The following MUC5B variants were observed in gnomAD, a reference collection of about 807,000 sequenced individuals.
MUC5B encodes mucin 5B, oligomeric mucus/gel-forming.
A neutral mutation model predicts 376.9 loss-of-function variants in MUC5B; 116 were observed. The ratio of observed to expected loss-of-function variants is 0.31; its 90% confidence interval spans 0.26 to 0.36. The LOEUF (loss-of-function observed/expected upper bound fraction) is 0.36, where lower values mean the gene tolerates loss of function less well. MUC5B is among the 10% of genes least tolerant of loss of function. The pLI, the probability that MUC5B is intolerant of heterozygous loss-of-function variation, is 1.00. For synonymous variants in MUC5B, 3,517 were observed against 3,390.9 expected, an observed-to-expected ratio of 1.04 and a Z score of -1.29; for missense variants, 7,165 against 7,769.9, an observed-to-expected ratio of 0.92 and a Z score of 2.93.
Position 1,249,971 on chromosome 11 carries a change from C to G in MUC5B, c.13091C>G (p.Thr4364Arg). The change falls in exon 31 of 49, where the codon ACA (threonine) becomes AGA (arginine). Residue 4364 changes from threonine (T) to arginine (R), a missense_variant. Coordinates refer to ENST00000529681, the MANE Select transcript of MUC5B (RefSeq NM_002458.3). Reference protein sequence around the residue: ...SSTPETTHTSTVLTTKATTTR... With the variant: ...SSTPETTHTSRVLTTKATTTR... ...ACTCCGGAGACCACCCACACCTCCA[C>G]AGTGCTGACCACGAAGGCCACCACG... 1 of 1,611,426 alleles carries G rather than the reference C, an allele frequency of 6.2e-7. No individual in the cohort carries two copies. Among genetic ancestry groups the G allele is most frequent in the South Asian group, 1.1e-5 (1 of 90,954 alleles).
In MUC5B at chr11:1,227,034, G is replaced by A. The variant is rs748623491; in HGVS notation, c.465G>A (p.Glu155=). The part of the protein sequence containing the change: ...NGSVLINGQR[E]ELPYSRTGLL... ...AGAGACCCCGCTGTCTGCGCAGGGAGGAGCTGCCTTACAGCCGCACTGGCC... is the reference window on the plus strand; with the variant it reads ...AGAGACCCCGCTGTCTGCGCAGGGAAGAGCTGCCTTACAGCCGCACTGGCC... The change falls in exon 5 of 49, where the codon GAG becomes GAA. Residue 155 remains glutamate, a synonymous_variant. Transcript: ENST00000529681. The A allele has an allele frequency of 1.2e-6, 2 of 1,609,136 alleles. No individual in the cohort carries two copies. The highest frequency in any genetic ancestry group is 1.1e-5 in the South Asian group (1 of 90,772).
At chr11:1,233,342 G>A in intron 18 of MUC5B, 74 bp downstream of exon 18, 1 of 1,428,178 alleles carries the variant, frequency 7.0e-7, no homozygotes, top group East Asian at 2.5e-5. Context: ...GAAGGCTTCT[G>A]TGCCTCCCCC....
chr11:1,242,273 T>C lies in MUC5B; in HGVS notation c.5393T>C (p.Phe1798Ser), dbSNP rs1455901056. ...CEWTEWFDVDFPTSGVAGGDM... is the reference protein window; with the variant it reads ...CEWTEWFDVDSPTSGVAGGDM... ...TGGACAGAGTGGTTTGACGTGGACT[T>C]CCCAACCTCAGGGGTTGCAGGCGGG... The change falls in exon 31 of 49, where the codon TTC (phenylalanine) becomes TCC (serine). Residue 1798 changes from phenylalanine to serine, a missense_variant. Transcript: ENST00000529681. 1 of 1,613,870 alleles carries C rather than the reference T, an allele frequency of 6.2e-7. No homozygotes were observed. The highest frequency in any genetic ancestry group is 8.5e-7 in the Non-Finnish European group (1 of 1,179,870).
rs200229846 is a variant in MUC5B, at chr11:1,245,580, C to T, written c.8700C>T (p.Asn2900=). The change falls in exon 31 of 49, where the codon AAC becomes AAT. Residue 2900 remains asparagine, a synonymous_variant. Coordinates refer to ENST00000529681, the MANE Select transcript of MUC5B (RefSeq NM_002458.3). ...PSGGDFDTYS[N]IRAAGGAVCE... ...GCGGGGACTTTGACACCTACTCCAA[C>T]ATCCGTGCGGCCGGAGGGGCCGTCT... 21,241 of 1,535,562 alleles carry T rather than the reference C, an allele frequency of 0.014. No homozygotes were observed. The highest frequency in any genetic ancestry group is 0.015 in the Non-Finnish European group (16,564 of 1,126,358).
chr11:1,252,955 C>T lies in MUC5B; in HGVS notation c.15192C>T (p.Pro5064=). The T allele has an allele frequency of 6.2e-7, 1 of 1,612,686 alleles. No homozygotes were observed. Among genetic ancestry groups the T allele is most frequent in the Non-Finnish European group, 8.5e-7 (1 of 1,179,860 alleles). Residue 5064 remains proline (P), a synonymous_variant, in exon 33 of 49, where the codon CCC becomes CCT. Coordinates refer to ENST00000529681, the MANE Select transcript of MUC5B (RefSeq NM_002458.3). ...LPIKVSDPSQ[P]CDFHYECECI... is the part of the protein sequence containing the mutation. ...TCAAAGTGTCGGACCCGAGCCAGCC[C>T]TGTGACTTCCACTATGAGTGCGAGT...
Position 1,258,295 on chromosome 11 carries a change from C to A in MUC5B, c.16556-35C>A, listed in dbSNP as rs1862899279. On this transcript the variant is annotated intron_variant, in intron 42 of 48. Transcript: ENST00000529681. This position sits in a 1 kb window ranked among gnomAD's most constrained non-coding sequence, Gnocchi z 5.5. The stretch of plus-strand genomic sequence containing the variant: ...GGGGCGCTGGAGCACATGCTCCCCA[C>A]CACTTGTCGAGGGCTTAGCTCCCTT... 6.2e-7 allele frequency: 1 copy of A among 1,609,594 alleles called. No individual in the cohort carries two copies. Among genetic ancestry groups the A allele is most frequent in the Non-Finnish European group, 8.5e-7 (1 of 1,178,554 alleles).
chr11:1,236,686 C>A, intron 24 of MUC5B, 124 bp downstream of exon 24: 1 of 1,177,236 alleles, frequency 8.5e-7, no homozygotes, highest in Non-Finnish European at 1.2e-6. Flanking sequence ...TGGTGAGGGC[C>A]CTGCCTGTGG....
chr11:1,223,423 TG>T (rs1451158499), intron 1 of MUC5B: 6 of 625,686 alleles, frequency 9.6e-6, no homozygotes, highest in Non-Finnish European at 1.8e-5. Flanking sequence ...CAGGAGAAGG[TG>T]GGCCCCTGAC....
At position 1,247,976 on chromosome 11, in the gene MUC5B, C is replaced by T. The variant is rs1319001287; in HGVS notation, c.11096C>T (p.Thr3699Ile). 1 of 1,610,832 alleles carries T rather than the reference C, an allele frequency of 6.2e-7. No individual in the cohort carries two copies. The highest frequency in any genetic ancestry group is 8.5e-7 in the Non-Finnish European group (1 of 1,177,918). The change falls in exon 31 of 49, where the codon ACA becomes ATA. Residue 3699 changes from threonine to isoleucine, a missense_variant. This residue lies in a region of MUC5B where 90 missense variants were observed against 71.1 expected (regional missense o/e 1.27). Coordinates refer to ENST00000529681, the MANE Select transcript of MUC5B (RefSeq NM_002458.3). ...TGGATCCTCACAAAGCTGACCACAACAGCCACTACGACTGAGTCCACTGGA... is the reference window on the plus strand; with the variant it reads ...TGGATCCTCACAAAGCTGACCACAATAGCCACTACGACTGAGTCCACTGGA... ...TTWILTKLTT[T>I]ATTTESTGST...
intron 9 of MUC5B, 74 bp from the exon 10 acceptor site, chr11:1,229,615 TC>T: frequency 7.7e-7 from 1 of 1,304,018 alleles, no homozygotes; most frequent in South Asian, 1.3e-5. Flanking sequence ...AGGCAGCTTG[TC>T]CCCAAGGCCG....
At position 1,261,734 on chromosome 11, in the gene MUC5B, C is replaced by T. The variant is rs1863000487; in HGVS notation, c.*126C>T. 2.1e-6 allele frequency: 2 copies of T among 967,430 alleles called. No homozygotes were observed. Among genetic ancestry groups the T allele is most frequent in the South Asian group, 1.4e-5 (1 of 72,014 alleles). 59.9% of individuals were successfully genotyped at this position (967,430 alleles called of 1,614,324 possible). On this transcript the variant is annotated 3_prime_UTR_variant, in exon 49 of 49. Coordinates refer to ENST00000529681, the MANE Select transcript of MUC5B (RefSeq NM_002458.3). ...TGTGTGTGGCACCCCGCGCTCCGTG[C>T]TCCTGCTGCCCACCCCGTGGGTGAA...
Position 1,241,663 on chromosome 11 carries a change from G to A in MUC5B, c.4783G>A (p.Val1595Ile). 1.2e-6 allele frequency: 2 copies of A among 1,612,456 alleles called. No homozygotes were observed. Among genetic ancestry groups the A allele is most frequent in the Non-Finnish European group, 1.7e-6 (2 of 1,179,686 alleles). ...GATGTGCTACAACTACAGGATCCGG[G>A]TCCTCTGCTGCAGTGACGACCACTG... ...FKMCYNYRIR[V>I]LCCSDDHCRG... The change falls in exon 31 of 49, where the codon GTC (valine) becomes ATC (isoleucine). Residue 1595 changes from valine (V) to isoleucine (I), a missense_variant. Transcript: ENST00000529681.
intron 1 of MUC5B, among the ~76,000 whole-genome samples, chr11:1,225,292 T>G (rs1861854246): frequency 6.6e-6 from 1 of 152,214 alleles, no homozygotes; most frequent in Non-Finnish European, 1.5e-5. Context: ...AATCCCCCCT[T>G]GGGGCGGCCA....
In MUC5B at chr11:1,241,668, C is replaced by T; in HGVS notation, c.4788C>T (p.Leu1596=). Residue 1596 remains leucine, a synonymous_variant, in exon 31 of 49, where the codon CTC becomes CTT. Coordinates refer to ENST00000529681, the MANE Select transcript of MUC5B (RefSeq NM_002458.3). ...KMCYNYRIRV[L]CCSDDHCRGR... ...GCTACAACTACAGGATCCGGGTCCTCTGCTGCAGTGACGACCACTGCAGGG... is the reference window on the plus strand; with the variant it reads ...GCTACAACTACAGGATCCGGGTCCTTTGCTGCAGTGACGACCACTGCAGGG... 4 of 1,612,492 alleles carry T rather than the reference C, an allele frequency of 2.5e-6. No homozygotes were observed. The highest frequency in any genetic ancestry group is 3.4e-6 in the Non-Finnish European group (4 of 1,179,698).
chr11:1,248,855 C>T lies in MUC5B; in HGVS notation c.11975C>T (p.Pro3992Leu). ...GCAGCCACCAGCAGCACAGTGACTC[C>T]CTCCTCTGCCCTAGGGACCACCCAC... is the stretch of plus-strand genomic sequence containing the variant. The part of the protein sequence containing the change: ...TPAATSSTVT[P>L]SSALGTTHTP... The change falls in exon 31 of 49, where the codon CCC (proline) becomes CTC (leucine). Residue 3992 changes from proline to leucine, a missense_variant. Coordinates refer to ENST00000529681, the MANE Select transcript of MUC5B (RefSeq NM_002458.3). The T allele has an allele frequency of 1.3e-6, 2 of 1,547,582 alleles. No individual in the cohort carries two copies. Among genetic ancestry groups the T allele is most frequent in the South Asian group, 1.2e-5 (1 of 84,216 alleles).
At position 1,240,068 on chromosome 11, in the gene MUC5B, A is replaced by G. The variant is rs1249085257; in HGVS notation, c.3752A>G (p.Gln1251Arg). The change falls in exon 29 of 49, where the codon CAG becomes CGG. Residue 1251 changes from glutamine to arginine, a missense_variant. Gln to Arg is a conservative substitution (Grantham distance 43, BLOSUM62 1). This residue lies in a region of MUC5B where 517 missense variants were observed against 545.3 expected (regional missense o/e 0.95). Coordinates refer to ENST00000529681, the MANE Select transcript of MUC5B (RefSeq NM_002458.3). ...AGTAACTGCACACCCAGTGGCATCC[A>G]GTGCGCTCACAGCCTTGAGGGTAAG... The part of the protein sequence containing the change: ...QSCNCTPSGI[Q>R]CAHSLEACTC... 2.5e-6 allele frequency: 4 copies of G among 1,570,070 alleles called. No individual in the cohort carries two copies. Among genetic ancestry groups the G allele is most frequent in the Non-Finnish European group, 3.5e-6 (4 of 1,156,768 alleles).
Position 1,256,153 on chromosome 11 carries a change from C to T in MUC5B, c.16067-3C>T. On this transcript the variant is annotated splice_polypyrimidine_tract_variant and splice_region_variant and intron_variant, in intron 37 of 48. Coordinates refer to ENST00000529681, the MANE Select transcript of MUC5B (RefSeq NM_002458.3). ...CTTGTCTGACACCTCTCTGTGCCCA[C>T]AGACCTCACCTGCCCACCCACCAAA... The T allele has an allele frequency of 1.4e-6, 1 of 729,974 alleles. No homozygotes were observed. Among genetic ancestry groups the T allele is most frequent in the Non-Finnish European group, 2.5e-6 (1 of 392,976 alleles). 45.2% of individuals were successfully genotyped at this position (729,974 alleles called of 1,614,324 possible). A position where few individuals can be genotyped will look rare whatever the true frequency, so the allele number is the denominator to read the frequency against.
rs751470177 is a variant in MUC5B, at chr11:1,230,507, C to A, written c.1377C>A (p.Ser459Arg). Reference protein sequence around the residue: ...YVLSKKCADSSFTVLAELRKC... With the variant: ...YVLSKKCADSRFTVLAELRKC... ...CTCCCCAGAAATGTGCCGACAGCAG[C>A]TTCACCGTGCTGGCTGAGCTGCGGA... Residue 459 changes from serine (S) to arginine (R), a missense_variant, in exon 12 of 49, where the codon AGC (serine) becomes AGA (arginine). Ser to Arg is a moderately radical substitution (Grantham distance 110). This residue lies in a region of MUC5B where 640 missense variants were observed against 733.0 expected (regional missense o/e 0.87). Transcript: ENST00000529681. 1 of 1,608,784 alleles carries A rather than the reference C, an allele frequency of 6.2e-7. No homozygotes were observed. The highest frequency in any genetic ancestry group is 8.5e-7 in the Non-Finnish European group (1 of 1,177,514).
At position 1,243,302 on chromosome 11, in the gene MUC5B, C is replaced by G. The variant is rs374948966; in HGVS notation, c.6422C>G (p.Thr2141Arg). Residue 2141 changes from threonine (T) to arginine (R), a missense_variant, in exon 31 of 49, where the codon ACG (threonine) becomes AGG (arginine). By Grantham distance (71) the Thr-to-Arg change is moderately conservative. Around this residue, in one of 31 missense-constraint regions of MUC5B, gnomAD observed 897 missense variants for 779.6 expected, o/e 1.15. Transcript: ENST00000529681. ...PSLTTTATTI[T>R]ATGSTTNPSS... ...CTGACCACCACGGCCACTACGATCA[C>G]GGCCACCGGCTCCACCACCAACCCC... The G allele has an allele frequency of 6.4e-7, 1 of 1,557,094 alleles. No individual in the cohort carries two copies. The highest frequency in any genetic ancestry group is 1.2e-5 in the South Asian group (1 of 85,540).
Sources: gnomAD v4.1 joint callset for allele counts (sites outside exome capture counted in the v4.1 genomes callset) on GRCh38, gnomAD v4.1.1 for gene constraint, gnomAD v4.1.1 regional missense constraint, Gnocchi (gnomAD v3.1) non-coding constraint, MANE v1.5 for transcripts, NCBI Gene and HGNC (gene_info 2026-07-23, HGNC 2026-07-21) for gene names.